PTGER3: variants seen among roughly 807,000 people sequenced by gnomAD.
The protein encoded by PTGER3 is prostaglandin E receptor 3.
A neutral mutation model predicts 34.7 loss-of-function variants in PTGER3; 22 were observed. That is an observed-to-expected ratio of 0.63 (90% CI 0.45 to 0.91). The LOEUF is 0.91. PTGER3 is among the 40% of genes least tolerant of loss of function. The pLI is 0.00. For synonymous variants in PTGER3, 241 were observed against 230.1 expected (o/e 1.05, Z -0.43); for missense variants, 468 against 519.4 (o/e 0.90, Z 0.96).
rs753302130 is a variant in PTGER3 at position 71,047,203 on chromosome 1, C to T, written c.375G>A (p.Pro125=). 8.1e-6 allele frequency: 13 copies of T among 1,598,186 alleles called. No homozygotes were observed. The highest frequency in any genetic ancestry group is 1.0e-5 in the Non-Finnish European group (12 of 1,172,748). The part of the protein sequence containing the change: ...LSKQRWEHID[P]SGRLCTFFGL... The stretch of plus-strand genomic sequence containing the variant: ...CGAAAAAGGTGCAGAGCCGCCCCGA[C>T]GGGTCGATGTGCTCCCAACGCTGCT... Residue 125 remains proline (P), a synonymous_variant, in exon 1 of 4, where the codon CCG becomes CCA. Transcript: ENST00000306666.
intron 4 of PTGER3, among the ~76,000 whole-genome samples, chr1:70,939,539 C>T (rs1415887030): frequency 1.3e-5 from 2 of 152,254 alleles, no homozygotes; most frequent in East Asian, 3.9e-4. Flanking sequence ...CTGCAGCAAA[C>T]TTTTGCCTGG....
intron 4 of PTGER3, among the ~76,000 whole-genome samples, chr1:70,947,116 T>C (rs1650293762): frequency 6.6e-6 from 1 of 152,152 alleles, no homozygotes; most frequent in African/African-American, 2.4e-5. Flanking sequence ...GGGATAAAAA[T>C]TCTTACTCTC....
intron 4 of PTGER3, among the ~76,000 whole-genome samples, chr1:70,932,223 C>A (rs1648775955): frequency 6.6e-6 from 1 of 152,086 alleles, no homozygotes; most frequent in South Asian, 2.1e-4. Flanking sequence ...TCAGCCAGGA[C>A]CTTATCATTC....
intron 1 of PTGER3, among the ~76,000 whole-genome samples, chr1:71,033,721 A>G (rs1659592417): frequency 6.6e-6 from 1 of 151,962 alleles, no homozygotes; most frequent in Admixed American, 6.6e-5. Flanking sequence ...TTTTGAGTCA[A>G]TTTCAAGTTT....
chr1:71,014,308 C>T (rs1256273054), intron 1 of PTGER3, among the ~76,000 whole-genome samples: 1 of 152,188 alleles, frequency 6.6e-6, no homozygotes, highest in East Asian at 1.9e-4. Context: ...CACTTTGATA[C>T]ACTCACCCTG....
chr1:71,023,966 G>C (rs907085880), intron 1 of PTGER3, among the ~76,000 whole-genome samples: 1 of 151,718 alleles, frequency 6.6e-6, no homozygotes, highest in African/African-American at 2.4e-5. Context: ...CCATGCTGCT[G>C]CTTAAAAAAG....
In PTGER3 at chr1:70,865,774, GA is replaced by G. The variant is rs778006835; in HGVS notation, c.*24-12916del. The G allele has an allele frequency of 2.2e-5, 30 of 1,367,346 alleles. No individual in the cohort carries two copies. In the South Asian group the frequency reaches 3.4e-4, roughly 16 times the overall value. The allele number at this position is 1,367,346 out of a possible 1,614,324, so 84.7% of individuals were successfully genotyped here. A position where few individuals can be genotyped will look rare whatever the true frequency, so the allele number is the denominator to read the frequency against. On this transcript the variant is annotated intron_variant, in intron 4 of 4. Coordinates refer to the PTGER3 transcript ENST00000370931. ...GAAAGGACAAATCCAAGAACCAACG[GA>G]AGGGCTGAGCACAGAACCTTGAAGG...
chr1:70,943,996 T>C (rs903100140), intron 4 of PTGER3, among the ~76,000 whole-genome samples: 3 of 152,126 alleles, frequency 2.0e-5, no homozygotes, highest in Non-Finnish European at 2.9e-5. Flanking sequence ...TAATCTGGAA[T>C]GAATTTCTGT....
chr1:70,943,582 T>C (rs933154013), intron 4 of PTGER3, among the ~76,000 whole-genome samples: 1 of 152,270 alleles, frequency 6.6e-6, no homozygotes, highest in Middle Eastern at 3.4e-3. Context: ...GCCTTCTTTT[T>C]CCAAGAATTA....
At chr1:70,996,545 C>T (rs1037995716) in intron 2 of PTGER3, among the ~76,000 whole-genome samples, 2 of 152,008 alleles carry the variant, frequency 1.3e-5, no homozygotes, top group Admixed American at 1.3e-4. Context: ...ACTGCAAGCT[C>T]CGCCTCGTGG....
intron 2 of PTGER3, chr1:71,007,428 A>G: frequency 1.0e-6 from 1 of 985,562 alleles, no homozygotes. Context: ...GAGTGAACTT[A>G]TCATTTGCTT....
At chr1:70,949,450 C>G (rs1016141826), downstream of PTGER3, among the ~76,000 whole-genome samples, 4 of 152,150 alleles carry the variant, frequency 2.6e-5, no homozygotes, top group African/African-American at 9.6e-5. Flanking sequence ...GAAGGAGTAG[C>G]AAGTTTAGCC....
chr1:70,895,323 C>G (rs1264198794), intron 4 of PTGER3, among the ~76,000 whole-genome samples: 1 of 152,126 alleles, frequency 6.6e-6, no homozygotes, highest in Non-Finnish European at 1.5e-5. Flanking sequence ...CTCAAACAAT[C>G]CAAGCTTCAT....
At chr1:70,988,592 G>C (rs560301838) in intron 2 of PTGER3, among the ~76,000 whole-genome samples, 1 of 152,246 alleles carries the variant, frequency 6.6e-6, no homozygotes, top group Non-Finnish European at 1.5e-5. Context: ...AGCTATATTG[G>C]ATTATGAGGA....
At chr1:70,904,196 C>T (rs2100352552) in intron 4 of PTGER3, among the ~76,000 whole-genome samples, 1 of 152,258 alleles carries the variant, frequency 6.6e-6, no homozygotes, top group Admixed American at 6.5e-5. Flanking sequence ...CTGAGGCCTC[C>T]CCAGCCACAT....
At chr1:70,918,159 G>A (rs1647238119) in intron 4 of PTGER3, among the ~76,000 whole-genome samples, 1 of 151,954 alleles carries the variant, frequency 6.6e-6, no homozygotes, top group Admixed American at 6.6e-5. Flanking sequence ...AGGATAGTCT[G>A]TTCAATAAAT....
chr1:71,031,782 T>C (rs1315998658), intron 1 of PTGER3, among the ~76,000 whole-genome samples: 2 of 152,122 alleles, frequency 1.3e-5, no homozygotes, highest in Non-Finnish European at 2.9e-5. Flanking sequence ...GCACTTGGAG[T>C]CACAGTTGGT....
At chr1:71,004,442 A>T (rs772201793) in intron 2 of PTGER3, among the ~76,000 whole-genome samples, 46 of 152,322 alleles carry the variant, frequency 3.0e-4, no homozygotes, top group Non-Finnish European at 6.2e-4. Flanking sequence ...GCTCATCAAG[A>T]GACATTGCCC....
intron 4 of PTGER3, among the ~76,000 whole-genome samples, chr1:70,870,258 G>A (rs1423370878): frequency 6.6e-6 from 1 of 152,208 alleles, no homozygotes; most frequent in Non-Finnish European, 1.5e-5. Context: ...CAGCCAGGAT[G>A]CAAGGAGCAT....
Sources: gnomAD v4.1 joint callset for allele counts (sites outside exome capture counted in the v4.1 genomes callset) on GRCh38, gnomAD v4.1.1 for gene constraint, MANE v1.5 for transcripts, NCBI Gene and HGNC (gene_info 2026-07-23, HGNC 2026-07-21) for gene names.